RUNDC3B: variants seen among roughly 807,000 people sequenced by gnomAD.
The protein encoded by RUNDC3B is RUN domain-containing protein 3B.
In RUNDC3B, 33 loss-of-function variants were observed where a neutral mutation model predicts 58.4. The observed-to-expected ratio is 0.56, with a 90% CI of 0.43 to 0.75. The LOEUF is 0.75. Among genes scored for constraint, RUNDC3B ranks in the 30% least tolerant of loss-of-function variants. RUNDC3B has a pLI of 0.00. For missense variants in RUNDC3B, 501 were observed against 535.7 expected, an observed-to-expected ratio of 0.94 and a Z score of 0.64; for synonymous variants, 193 against 195.2, an observed-to-expected ratio of 0.99 and a Z score of 0.10.
At chr7:87,683,263 A>G (rs1363641918) in intron 2 of RUNDC3B, among the ~76,000 whole-genome samples, 2 of 152,168 alleles carry the variant, frequency 1.3e-5, no homozygotes, top group Admixed American at 6.5e-5. Context: ...AACTTTCTTC[A>G]TATCAGCAAT....
rs1830459861 is a variant in RUNDC3B at position 87,715,264 on chromosome 7, TA to T, written c.458+4611del. ...TATATATAATTATATTATATATAAT[TA>T]ATTTATAATAATTATATATAATTAA... is the stretch of plus-strand genomic sequence containing the variant. On this transcript the variant is annotated intron_variant, in intron 4 of 10. Transcript: ENST00000394654. Among the ~76,000 whole-genome samples the T allele has an allele frequency of 5.3e-5, 7 of 132,988 alleles. No homozygotes were observed. In the South Asian group the frequency reaches 1.5e-3, roughly 29 times the overall value. The allele number at this position is 132,988 out of a possible 152,430, so 87.2% of individuals were successfully genotyped here. A position where few individuals can be genotyped will look rare whatever the true frequency, so the allele number is the denominator to read the frequency against.
intron 2 of RUNDC3B, among the ~76,000 whole-genome samples, chr7:87,659,464 C>A (rs1192675405): frequency 6.6e-6 from 1 of 151,872 alleles, no homozygotes; most frequent in East Asian, 1.9e-4. Context: ...AAAATCTTAC[C>A]TTTCTTTATG....
chr7:87,756,304 A>T (rs1372863241), intron 6 of RUNDC3B, among the ~76,000 whole-genome samples: 1 of 151,984 alleles, frequency 6.6e-6, no homozygotes, highest in East Asian at 1.9e-4. Context: ...TTCTTTATTC[A>T]TAGAAAGTCC....
chr7:87,654,360 G>C (rs1823873728), intron 2 of RUNDC3B, among the ~76,000 whole-genome samples: 2 of 151,898 alleles, frequency 1.3e-5, no homozygotes, highest in East Asian at 3.9e-4. Context: ...GTTAAAACAG[G>C]ATGTTACCAG....
chr7:87,651,751 A>G (rs866688117), intron 2 of RUNDC3B, among the ~76,000 whole-genome samples: 1 of 152,214 alleles, frequency 6.6e-6, no homozygotes, highest in South Asian at 2.1e-4. Flanking sequence ...GTACTTTTTG[A>G]TGCTGAAAGC....
chr7:87,738,221 G>T (rs906067089), intron 4 of RUNDC3B, among the ~76,000 whole-genome samples: 2 of 151,732 alleles, frequency 1.3e-5, no homozygotes, highest in Non-Finnish European at 2.9e-5. Context: ...TCTTCCAGGG[G>T]TTAATAATAT....
At chr7:87,631,825 A>G (rs1292098190) in intron 1 of RUNDC3B, among the ~76,000 whole-genome samples, 3 of 152,146 alleles carry the variant, frequency 2.0e-5, no homozygotes, top group African/African-American at 7.2e-5. Context: ...AAGCCATGCA[A>G]CCTTTCCATT....
chr7:87,687,529 C>G (rs772964485), intron 2 of RUNDC3B, among the ~76,000 whole-genome samples: 1 of 152,144 alleles, frequency 6.6e-6, no homozygotes, highest in Non-Finnish European at 1.5e-5. Context: ...TCCACTAAAA[C>G]GTAAGCTTTA....
At chr7:87,642,947 G>T (rs1216945853) in intron 1 of RUNDC3B, among the ~76,000 whole-genome samples, 1 of 152,096 alleles carries the variant, frequency 6.6e-6, no homozygotes, top group African/African-American at 2.4e-5. Context: ...ACAGGGTCTT[G>T]CTCTGTTACA....
intron 1 of RUNDC3B, among the ~76,000 whole-genome samples, chr7:87,646,258 A>G (rs889564141): frequency 6.6e-6 from 1 of 152,174 alleles, no homozygotes; most frequent in African/African-American, 2.4e-5. Flanking sequence ...TGATGATATG[A>G]AAATATATGC....
At position 87,641,519 on chromosome 7, in the gene RUNDC3B, A is replaced by G. The variant is rs1385184051; in HGVS notation, c.123-9303A>G. Among the ~76,000 whole-genome samples, 3 of 152,182 alleles carry G rather than the reference A, an allele frequency of 2.0e-5. No homozygotes were observed. In the East Asian group the frequency reaches 5.8e-4, roughly 29 times the overall value. ...TATTTTCTAGCACCCTTCCTCCAGC[A>G]AGCCAAAACAACAAAATGCACTGAT... On this transcript the variant is annotated intron_variant, in intron 1 of 10. Coordinates refer to ENST00000394654, the MANE Select transcript of RUNDC3B (RefSeq NM_001134405.2).
At chr7:87,633,318 A>G (rs1821413092) in intron 1 of RUNDC3B, among the ~76,000 whole-genome samples, 1 of 152,234 alleles carries the variant, frequency 6.6e-6, no homozygotes, top group African/African-American at 2.4e-5. Flanking sequence ...TGCTTTAAAA[A>G]ATGATTACAC....
At position 87,783,053 on chromosome 7, in the gene RUNDC3B, G is replaced by A. The variant is rs535070126; in HGVS notation, c.956+5098G>A. 3.9e-5 allele frequency among the ~76,000 whole-genome samples: 6 copies of A among 152,224 alleles called. No homozygotes were observed. In the East Asian group the frequency reaches 1.2e-3, roughly 29 times the overall value. Reference sequence around the variant, plus strand: ...TGATCCATCTAATGCCGTTAATGGGGTATTGAAGTCCACTACTATTATTGT... The same window carrying A: ...TGATCCATCTAATGCCGTTAATGGGATATTGAAGTCCACTACTATTATTGT... On this transcript the variant is annotated intron_variant, in intron 8 of 10. Coordinates refer to ENST00000394654, the MANE Select transcript of RUNDC3B (RefSeq NM_001134405.2).
At chr7:87,725,332 C>T (rs1427033169) in intron 4 of RUNDC3B, among the ~76,000 whole-genome samples, 2 of 152,154 alleles carry the variant, frequency 1.3e-5, no homozygotes, top group South Asian at 2.1e-4. Context: ...TAAGTGAGAA[C>T]ATGCGGTGTT....
chr7:87,696,350 T>A (rs1266043024), intron 2 of RUNDC3B, among the ~76,000 whole-genome samples: 1 of 152,204 alleles, frequency 6.6e-6, no homozygotes, highest in Non-Finnish European at 1.5e-5. Context: ...GAGTAGCTTG[T>A]AACTTTGTTT....
At chr7:87,753,694 T>C (rs1044759985) in intron 6 of RUNDC3B, among the ~76,000 whole-genome samples, 1 of 152,188 alleles carries the variant, frequency 6.6e-6, no homozygotes, top group African/African-American at 2.4e-5. Context: ...CTGAAAACTT[T>C]GAAGTCATCC....
At chr7:87,697,167 A>T (rs1828564871) in intron 2 of RUNDC3B, among the ~76,000 whole-genome samples, 1 of 152,210 alleles carries the variant, frequency 6.6e-6, no homozygotes, top group African/African-American at 2.4e-5. Context: ...TTGTTCATGG[A>T]CAACCTATGC....
chr7:87,748,882 A>G (rs1832802840), intron 6 of RUNDC3B, among the ~76,000 whole-genome samples: 1 of 152,230 alleles, frequency 6.6e-6, no homozygotes, highest in Non-Finnish European at 1.5e-5. Flanking sequence ...CCTTGGGAAA[A>G]GGGACAATTG....
intron 9 of RUNDC3B, among the ~76,000 whole-genome samples, chr7:87,813,496 T>A (rs183820929): frequency 4.0e-4 from 61 of 152,284 alleles, no homozygotes; most frequent in Non-Finnish European, 8.5e-4. Context: ...ATATAATTTT[T>A]TTAAATTTAG....
Sources: gnomAD v4.1 joint callset for allele counts (sites outside exome capture counted in the v4.1 genomes callset) on GRCh38, gnomAD v4.1.1 for gene constraint, MANE v1.5 for transcripts, NCBI Gene and HGNC (gene_info 2026-07-23, HGNC 2026-07-21) for gene names.